Variants in SCLT1 observed in about 807,000 individuals in gnomAD.
SCLT1 encodes the protein sodium channel and clathrin linker 1, also known as sodium channel-associated protein 1.
SCLT1 carries 78 observed loss-of-function variants against 112.8 expected under a neutral mutation model. That is an observed-to-expected ratio of 0.69 (90% CI 0.58 to 0.83). SCLT1 has a LOEUF of 0.83. SCLT1 is among the 40% of genes least tolerant of loss of function. The pLI, the probability that SCLT1 is intolerant of heterozygous loss-of-function variation, is 0.00. For missense variants in SCLT1, 747 were observed against 770.4 expected, an observed-to-expected ratio of 0.97 and a Z score of 0.36; for synonymous variants, 257 against 254.7, an observed-to-expected ratio of 1.01 and a Z score of -0.09.
At chr4:129,044,675 T>C (rs1268059813) in intron 2 of SCLT1, among the ~76,000 whole-genome samples, 1 of 151,636 alleles carries the variant, frequency 6.6e-6, no homozygotes, top group Non-Finnish European at 1.5e-5. Context: ...TGTGGAATGG[T>C]CAATATTTTG....
At chr4:128,937,150 C>T (rs1225077103) in intron 17 of SCLT1, among the ~76,000 whole-genome samples, 4 of 151,828 alleles carry the variant, frequency 2.6e-5, no homozygotes, top group Admixed American at 6.6e-5. Context: ...TGATGGCACA[C>T]GCCTGTAATC....
At chr4:129,076,655 A>G (rs1751488427) in intron 2 of SCLT1, among the ~76,000 whole-genome samples, 1 of 151,832 alleles carries the variant, frequency 6.6e-6, no homozygotes, top group South Asian at 2.1e-4. Context: ...GGATTCAATT[A>G]GCCTGGGTAT....
chr4:129,054,533 G>C lies in SCLT1; in HGVS notation c.103-10482C>G, dbSNP rs192633144. On this transcript the variant is annotated intron_variant, in intron 2 of 20. Coordinates refer to ENST00000281142, the MANE Select transcript of SCLT1 (RefSeq NM_144643.4). ...ATCTCTGATATCCTTTCTTCCGCTT[G>C]ATCGATTCAGCTATTGATAGTTACG... is the stretch of plus-strand genomic sequence containing the variant. Among the ~76,000 whole-genome samples, 756 of 152,028 alleles carry C rather than the reference G, an allele frequency of 5.0e-3. 6 individuals carry two copies. Among genetic ancestry groups the C allele is most frequent in the African/African-American group, 0.017 (713 of 41,498 alleles).
At chr4:129,032,073 C>T (rs755858909) in intron 5 of SCLT1, among the ~76,000 whole-genome samples, 1 of 152,102 alleles carries the variant, frequency 6.6e-6, no homozygotes, top group African/African-American at 2.4e-5. Context: ...ATCATGCCAC[C>T]TGACTTCAAA....
At chr4:128,919,611 A>C (rs1169856823) in intron 18 of SCLT1, among the ~76,000 whole-genome samples, 1 of 152,186 alleles carries the variant, frequency 6.6e-6, no homozygotes, top group African/African-American at 2.4e-5. Flanking sequence ...AAGATCAACA[A>C]ATCCAGAAGT....
intron 18 of SCLT1, among the ~76,000 whole-genome samples, chr4:128,931,314 C>T (rs1313750295): frequency 6.6e-6 from 1 of 151,936 alleles, no homozygotes. Flanking sequence ...AATAGTAATT[C>T]GACAGTATGA....
intron 2 of SCLT1, among the ~76,000 whole-genome samples, chr4:129,066,561 A>C (rs1750505538): frequency 6.6e-6 from 1 of 152,052 alleles, no homozygotes; most frequent in Non-Finnish European, 1.5e-5. Flanking sequence ...AAAATCTCAG[A>C]TGTATATATG....
intron 2 of SCLT1, among the ~76,000 whole-genome samples, chr4:129,066,578 T>C (rs1218243585): frequency 6.6e-6 from 1 of 152,046 alleles, no homozygotes; most frequent in East Asian, 1.9e-4. Context: ...TATGGAGACA[T>C]GTTCAAGACT....
At chr4:128,876,013 A>AAAAG (rs1265824844) in intron 4 of SCLT1, among the ~76,000 whole-genome samples, 1 of 152,112 alleles carries the variant, frequency 6.6e-6, no homozygotes, top group Non-Finnish European at 1.5e-5. Flanking sequence ...CTCATTTCTG[A>AAAAG]AAAGATTGTT....
At chr4:129,015,393 TC>T (rs745717744) in intron 5 of SCLT1, among the ~76,000 whole-genome samples, 1 of 151,992 alleles carries the variant, frequency 6.6e-6, no homozygotes, top group Non-Finnish European at 1.5e-5. Flanking sequence ...CTGAGGCTGT[TC>T]TTTAAGCAGG....
intron 4 of SCLT1, 98 bp downstream of exon 4, chr4:129,043,297 C>G (rs980740912): frequency 8.6e-6 from 6 of 695,322 alleles, no homozygotes; most frequent in Non-Finnish European, 1.3e-5. Flanking sequence ...AGCAAATATT[C>G]TCTTTCTCAT....
chr4:129,004,486 T>C (rs1743816684), intron 5 of SCLT1, among the ~76,000 whole-genome samples: 1 of 152,028 alleles, frequency 6.6e-6, no homozygotes, highest in African/African-American at 2.4e-5. Flanking sequence ...ATTACAGATA[T>C]TTCATGCCTT....
At chr4:128,994,353 C>G (rs751590024) in intron 8 of SCLT1, among the ~76,000 whole-genome samples, 1 of 152,060 alleles carries the variant, frequency 6.6e-6, no homozygotes, top group Non-Finnish European at 1.5e-5. Context: ...GCATAATTTC[C>G]TTCTTTTTAA....
chr4:128,967,044 C>T (rs561292175), intron 10 of SCLT1, among the ~76,000 whole-genome samples: 2 of 152,066 alleles, frequency 1.3e-5, no homozygotes, highest in African/African-American at 4.8e-5. Flanking sequence ...CAGTGTATAT[C>T]GTTCCCTTTA....
chr4:128,888,525 G>A (rs1733065378), intron 20 of SCLT1, among the ~76,000 whole-genome samples, 154 bp downstream of exon 20: 1 of 152,018 alleles, frequency 6.6e-6, no homozygotes, highest in Non-Finnish European at 1.5e-5. Context: ...GCTTATTTTT[G>A]TTTCCAATGT....
intron 1 of SCLT1, among the ~76,000 whole-genome samples, chr4:129,085,570 C>G (rs2125780843): frequency 6.6e-6 from 1 of 152,192 alleles, no homozygotes; most frequent in African/African-American, 2.4e-5. Context: ...GCATGTATGT[C>G]CATTGCAACA....
intron 5 of SCLT1, chr4:128,874,221 C>T (rs1266960581): frequency 6.6e-6 from 1 of 152,480 alleles, no homozygotes; most frequent in African/African-American, 2.4e-5. Context: ...GAAGGTTGGA[C>T]TTTATCTACA....
Position 128,890,593 on chromosome 4 carries a change from T to C in SCLT1, c.1908+466A>G, listed in dbSNP as rs769135792. Among the ~76,000 whole-genome samples the C allele has an allele frequency of 4.0e-4, 61 of 152,266 alleles. 1 individual carries two copies. Among genetic ancestry groups the C allele is most frequent in the Non-Finnish European group, 7.5e-4 (51 of 68,000 alleles). On this transcript the variant is annotated intron_variant, in intron 19 of 20. Transcript: ENST00000281142. ...AAAAGCCTCAATCATAATCCAAAAA[T>C]TGTTTACTTTTTGAATGCCTCAAGG... is the stretch of plus-strand genomic sequence containing the variant.
intron 18 of SCLT1, among the ~76,000 whole-genome samples, chr4:128,901,902 G>A (rs1259797463): frequency 6.6e-6 from 1 of 151,948 alleles, no homozygotes; most frequent in Non-Finnish European, 1.5e-5. Flanking sequence ...ATTCTTCTAA[G>A]TGGAATAGGA....
Sources: allele counts gnomAD v4.1 joint callset (sites outside exome capture counted in the v4.1 genomes callset), GRCh38; gene constraint gnomAD v4.1.1; transcripts MANE v1.5; gene names NCBI Gene and HGNC (gene_info 2026-07-23, HGNC 2026-07-21).